The following TMLHE variants were observed in gnomAD, a reference collection of about 807,000 sequenced individuals.
TMLHE encodes trimethyllysine hydroxylase, epsilon.
In TMLHE, 18 loss-of-function variants were observed where a neutral mutation model predicts 25.7. That is an observed-to-expected ratio of 0.70 (90% CI 0.48 to 1.04). TMLHE has a LOEUF of 1.04. Among genes scored for constraint, TMLHE ranks in the 50% least tolerant of loss-of-function variants. TMLHE has a pLI of 0.00. For missense variants in TMLHE, 236 were observed against 259.0 expected, an observed-to-expected ratio of 0.91 and a Z score of 0.61; for synonymous variants, 105 against 97.0, an observed-to-expected ratio of 1.08 and a Z score of -0.49.
chrX:155,548,534 GGC>G (rs1491320536), intron 1 of TMLHE, among the ~76,000 whole-genome samples: 1 of 108,812 alleles, frequency 9.2e-6, no homozygotes, highest in African/African-American at 3.4e-5. Context: ...AGCAGTATGA[GGC>G]CAGCCTGACT....
In TMLHE at chrX:155,559,939, C is replaced by T. The variant is rs200171632; in HGVS notation, c.-1-14662G>A. ...GACTTAGCTCAAATGTCACCTTCTT[C>T]GTAAAATATTCCCAGCTCCCTTAGG... On this transcript the variant is annotated intron_variant, in intron 1 of 7. Transcript: ENST00000334398. Among the ~76,000 whole-genome samples the T allele has an allele frequency of 1.9e-4, 21 of 112,673 alleles. No individual in the cohort carries two copies. The East Asian group carries it at 2.0e-3, about 10-fold the overall frequency.
At chrX:155,526,107 G>A (rs181470917) in intron 2 of TMLHE, among the ~76,000 whole-genome samples, 1 of 112,898 alleles carries the variant, frequency 8.9e-6, no homozygotes, top group Non-Finnish European at 1.9e-5. Context: ...GACAATGGGG[G>A]GGAAATGTCT....
At chrX:155,506,337 T>C (rs2067075847) in intron 6 of TMLHE, among the ~76,000 whole-genome samples, 1 of 111,126 alleles carries the variant, frequency 9.0e-6, no homozygotes, top group African/African-American at 3.3e-5. Flanking sequence ...GGTTGTGTAA[T>C]ATAAGGGAGA....
At chrX:155,583,248 C>G (rs782789556) in intron 1 of TMLHE, among the ~76,000 whole-genome samples, 24 of 111,283 alleles carry the variant, frequency 2.2e-4, no homozygotes, top group African/African-American at 6.9e-4. Flanking sequence ...GCGCAGCACA[C>G]CAACATGGCA....
rs185733165 is a variant in TMLHE, at chrX:155,511,486, C to T, written c.758+187G>A. ...TTTATTTATAGCAATGCAAGAATGG[C>T]CTAATACAGAATCTAAAAACTGAGT... On this transcript the variant is annotated intron_variant, in intron 5 of 7. Transcript: ENST00000334398. Among the ~76,000 whole-genome samples the T allele has an allele frequency of 8.8e-3, 961 of 109,428 alleles. 9 individuals carry two copies. The highest frequency in any genetic ancestry group is 0.068 in the South Asian group (170 of 2,486).
At chrX:155,513,601 A>AGG (rs199735057) in intron 4 of TMLHE, among the ~76,000 whole-genome samples, 2 of 109,444 alleles carry the variant, frequency 1.8e-5, no homozygotes, top group African/African-American at 6.7e-5. Context: ...GTGGGGGTCG[A>AGG]GGGGGTGTGT....
intron 2 of TMLHE, among the ~76,000 whole-genome samples, chrX:155,543,405 G>A (rs782387211): frequency 9.0e-6 from 1 of 111,043 alleles, no homozygotes; most frequent in African/African-American, 3.3e-5. Flanking sequence ...AACTGAAAAA[G>A]AAATCAAGAA....
intron 1 of TMLHE, among the ~76,000 whole-genome samples, chrX:155,590,816 A>G (rs782489236): frequency 8.9e-6 from 1 of 112,025 alleles, no homozygotes; most frequent in South Asian, 3.7e-4. Flanking sequence ...ATGTAGATGA[A>G]AAATAGTAAA....
chrX:155,522,865 G>A (rs782352293), intron 3 of TMLHE, among the ~76,000 whole-genome samples: 4 of 110,545 alleles, frequency 3.6e-5, no homozygotes, highest in South Asian at 7.7e-4. Flanking sequence ...TCATTTCTTC[G>A]GGATAAATGC....
intron 1 of TMLHE, among the ~76,000 whole-genome samples, chrX:155,593,107 C>G (rs1327497901): frequency 1.8e-5 from 2 of 111,690 alleles, no homozygotes; most frequent in Non-Finnish European, 3.8e-5. Flanking sequence ...ATACTCCCAA[C>G]CATCCCAAGC....
At chrX:155,612,433 G>A (rs781924433) in intron 1 of TMLHE, 1 of 112,175 alleles carries the variant, frequency 8.9e-6, no homozygotes, top group Admixed American at 9.3e-5. Flanking sequence ...GTCAGTGACA[G>A]ATCCAGGGCT....
At chrX:155,580,934 A>G (rs1417310197) in intron 1 of TMLHE, among the ~76,000 whole-genome samples, 3 of 112,060 alleles carry the variant, frequency 2.7e-5, no homozygotes, top group Non-Finnish European at 5.6e-5. Flanking sequence ...ATAAAATACT[A>G]GCAAACCAAA....
intron 1 of TMLHE, among the ~76,000 whole-genome samples, chrX:155,549,800 CAA>C: frequency 9.1e-6 from 1 of 109,668 alleles, no homozygotes; most frequent in African/African-American, 3.4e-5. Flanking sequence ...CATAGGTATA[CAA>C]ACCATGGTGG....
chrX:155,603,938 C>T (rs932650374), intron 1 of TMLHE, among the ~76,000 whole-genome samples: 7 of 112,082 alleles, frequency 6.2e-5, no homozygotes, highest in East Asian at 5.6e-4. Context: ...AATAAAGAAC[C>T]GAGAGCCCCT....
chrX:155,597,881 A>C (rs1267590585), intron 1 of TMLHE, among the ~76,000 whole-genome samples: 1 of 110,548 alleles, frequency 9.0e-6, no homozygotes, highest in Non-Finnish European at 1.9e-5. Context: ...CTTCAAAATA[A>C]AATCCTTTTC....
rs782114495 is a variant in TMLHE, at chrX:155,511,542, G to T, written c.758+131C>A. 39 of 635,466 alleles carry T rather than the reference G, an allele frequency of 6.1e-5. No homozygotes were observed. The African/African-American group carries it at 6.8e-4, about 11-fold the overall frequency. 52.4% of individuals were successfully genotyped at this position (635,466 alleles called of 1,213,427 possible). A position where few individuals can be genotyped will look rare whatever the true frequency, so the allele number is the denominator to read the frequency against. ...TATTTCAAAATGATCATGTTTCTAG[G>T]GGAAGAGAAAGTCATACAAATCTGC... is the stretch of plus-strand genomic sequence containing the variant. On this transcript the variant is annotated intron_variant, in intron 5 of 7. Coordinates refer to ENST00000334398, the MANE Select transcript of TMLHE (RefSeq NM_018196.4).
intron 1 of TMLHE, among the ~76,000 whole-genome samples, chrX:155,604,002 A>T (rs782127403): frequency 3.5e-4 from 39 of 111,934 alleles, no homozygotes; most frequent in Admixed American, 5.6e-4. Context: ...CTGGGGAAGG[A>T]ATAAAGAGCC....
At chrX:155,580,948 A>G (rs1209756335) in intron 1 of TMLHE, among the ~76,000 whole-genome samples, 1 of 111,938 alleles carries the variant, frequency 8.9e-6, no homozygotes, top group Non-Finnish European at 1.9e-5. Context: ...AACCAAATCT[A>G]TCAGCACATC....
intron 1 of TMLHE, among the ~76,000 whole-genome samples, chrX:155,609,491 A>G (rs1162249755): frequency 8.9e-6 from 1 of 111,935 alleles, no homozygotes; most frequent in Non-Finnish European, 1.9e-5. Context: ...CCTGTGACAC[A>G]CAATTTATCT....
Sources: gnomAD v4.1 joint callset for allele counts (sites outside exome capture counted in the v4.1 genomes callset) on GRCh38, gnomAD v4.1.1 for gene constraint, MANE v1.5 for transcripts, NCBI Gene and HGNC (gene_info 2026-07-23, HGNC 2026-07-21) for gene names.